Variants in CGGBP1 observed in about 807,000 individuals in gnomAD.
CGGBP1 encodes the protein CGG triplet repeat binding protein 1, also known as CGG triplet repeat-binding protein 1.
In CGGBP1, 4 loss-of-function variants were observed where a neutral mutation model predicts 11.4. That is an observed-to-expected ratio of 0.35 (90% CI 0.17 to 0.80). The LOEUF is 0.80. Ranked by LOEUF, CGGBP1 falls within the 30% of genes least tolerant of loss-of-function variation. CGGBP1 has a pLI of 0.52. For synonymous variants in CGGBP1, 76 were observed against 74.1 expected (o/e 1.03, Z -0.13); for missense variants, 135 against 202.1 (o/e 0.67, Z 2.01).
chr3:88,052,016 G>C lies in CGGBP1; in HGVS notation c.*3457C>G, dbSNP rs189720196. On this transcript the variant is annotated 3_prime_UTR_variant, in exon 4 of 4. Coordinates refer to ENST00000482016, the MANE Select transcript of CGGBP1 (RefSeq NM_001008390.2). ...ACAAAATGTGCTTTCAAAATCTTTT[G>C]AAACAATTTTTCTGAAATTTATTTC... 1 of 152,414 alleles carries C rather than the reference G, an allele frequency of 6.6e-6. No individual in the cohort carries two copies. Among genetic ancestry groups the C allele is most frequent in the African/African-American group, 2.4e-5 (1 of 41,374 alleles). The allele number at this position is 152,414 out of a possible 1,614,324, so 9.4% of individuals were successfully genotyped here. A position where few individuals can be genotyped will look rare whatever the true frequency, so the allele number is the denominator to read the frequency against.
intron 2 of CGGBP1, among the ~76,000 whole-genome samples, chr3:88,127,154 G>C (rs1271568088): frequency 6.6e-6 from 1 of 152,114 alleles, no homozygotes; most frequent in Non-Finnish European, 1.5e-5. Context: ...TTAGTTATGA[G>C]ACAGCCAAGG....
At chr3:88,097,068 C>T (rs549416769) in intron 2 of CGGBP1, among the ~76,000 whole-genome samples, 3 of 152,164 alleles carry the variant, frequency 2.0e-5, no homozygotes, top group African/African-American at 7.2e-5. Flanking sequence ...TTAACCAGCC[C>T]CTTACTAATG....
chr3:88,126,235 T>C (rs756887505), intron 2 of CGGBP1: 25 of 1,528,824 alleles, frequency 1.6e-5, no homozygotes, highest in Non-Finnish European at 2.2e-5. Context: ...TGTTGCAAGC[T>C]GTCCTTAAAG....
chr3:88,106,481 A>G (rs1299363553), intron 2 of CGGBP1, among the ~76,000 whole-genome samples: 1 of 151,728 alleles, frequency 6.6e-6, no homozygotes, highest in Non-Finnish European at 1.5e-5. Flanking sequence ...GAGATTACAC[A>G]TGTGTGCAGC....
chr3:88,090,348 A>C (rs1708565466), intron 2 of CGGBP1, among the ~76,000 whole-genome samples: 2 of 152,290 alleles, frequency 1.3e-5, no homozygotes, highest in South Asian at 4.1e-4. Context: ...GCTGATCAGT[A>C]TGTGACTTAG....
chr3:88,144,938 A>G (rs1707282007), intron 1 of CGGBP1, among the ~76,000 whole-genome samples: 1 of 152,008 alleles, frequency 6.6e-6, no homozygotes, highest in South Asian at 2.1e-4. Flanking sequence ...ACTTCAGGTA[A>G]GTGGGTTCAG....
chr3:88,105,135 T>C (rs1436443668), intron 2 of CGGBP1, among the ~76,000 whole-genome samples: 1 of 152,198 alleles, frequency 6.6e-6, no homozygotes, highest in Non-Finnish European at 1.5e-5. Flanking sequence ...CAAGACTCCA[T>C]CTCAGAAAAC....
At chr3:88,116,376 A>G (rs904393228) in intron 2 of CGGBP1, among the ~76,000 whole-genome samples, 1 of 151,832 alleles carries the variant, frequency 6.6e-6, no homozygotes, top group African/African-American at 2.4e-5. Context: ...CAAAATTAGC[A>G]GGTCGTGGCG....
At chr3:88,086,182 A>G in intron 2 of CGGBP1, 1 of 1,373,176 alleles carries the variant, frequency 7.3e-7, no homozygotes, top group East Asian at 2.5e-5. Context: ...TTATCCAGTA[A>G]CTTTTATGCA....
chr3:88,099,317 C>T (rs529715727), intron 2 of CGGBP1, among the ~76,000 whole-genome samples: 2 of 151,594 alleles, frequency 1.3e-5, no homozygotes, highest in African/African-American at 4.8e-5. Flanking sequence ...AATCACTGCT[C>T]AACAAAAGAG....
chr3:88,059,346 G>A (rs1275813834), upstream of CGGBP1: 1 of 1,534,822 alleles, frequency 6.5e-7, no homozygotes, highest in Non-Finnish European at 8.7e-7. Flanking sequence ...GCGACCAAGA[G>A]GCCGAACGCC....
chr3:88,097,155 A>G (rs1397062541), intron 2 of CGGBP1, among the ~76,000 whole-genome samples: 1 of 152,154 alleles, frequency 6.6e-6, no homozygotes, highest in East Asian at 1.9e-4. Context: ...AATATGTACA[A>G]GGGTATTTGT....
At chr3:88,069,148 G>A (rs200288106) in intron 2 of CGGBP1, among the ~76,000 whole-genome samples, 1 of 9,068 alleles carries the variant, frequency 1.1e-4, no homozygotes, top group Non-Finnish European at 6.6e-4. Context: ...CAGGCCAGGC[G>A]CCGTGGCTTA....
At chr3:88,099,698 A>C (rs1481809962) in intron 2 of CGGBP1, among the ~76,000 whole-genome samples, 1 of 152,192 alleles carries the variant, frequency 6.6e-6, no homozygotes, top group Admixed American at 6.5e-5. Flanking sequence ...GATTTTGACA[A>C]TCCTGACAAA....
chr3:88,120,916 C>G (rs1410812160), intron 2 of CGGBP1, among the ~76,000 whole-genome samples: 2 of 151,994 alleles, frequency 1.3e-5, no homozygotes, highest in African/African-American at 2.4e-5. Flanking sequence ...GATGTTTGGT[C>G]ATAAGTTGAA....
chr3:88,103,111 GATAATGGCCTTAT>G (rs1430347477), intron 2 of CGGBP1, among the ~76,000 whole-genome samples: 1 of 152,012 alleles, frequency 6.6e-6, no homozygotes, highest in Non-Finnish European at 1.5e-5. Context: ...ATTCACTTAG[GATAATGGCCTTAT>G]ATAATGAAGC....
At position 88,055,643 on chromosome 3, in the gene CGGBP1, G is replaced by C. The variant is rs1706524780; in HGVS notation, c.334C>G (p.Leu112Val). The C allele has an allele frequency of 1.2e-6, 2 of 1,614,080 alleles. No homozygotes were observed. Among genetic ancestry groups the C allele is most frequent in the Non-Finnish European group, 1.7e-6 (2 of 1,180,036 alleles). Residue 112 changes from leucine (L) to valine (V), a missense_variant, in exon 4 of 4, where the codon CTG becomes GTG. Physicochemically the swap from Leu to Val is conservative, Grantham distance 32 (BLOSUM62 1). Coordinates refer to ENST00000482016, the MANE Select transcript of CGGBP1 (RefSeq NM_001008390.2). This position sits in a 1 kb window ranked among gnomAD's most constrained non-coding sequence, Gnocchi z 4.2. ...TTCTCAAGTGGGATGTTGGCTTCCA[G>C]GCACATTTTCACAAAGTCCTGGATA... ...SVIQDFVKMC[L>V]EANIPLEKAD...
intron 2 of CGGBP1, among the ~76,000 whole-genome samples, chr3:88,109,321 T>C (rs1704948003): frequency 6.6e-6 from 1 of 152,128 alleles, no homozygotes; most frequent in Non-Finnish European, 1.5e-5. Context: ...TAGGACTGAA[T>C]AGAAATTTCT....
At chr3:88,077,676 A>T (rs939402180) in intron 2 of CGGBP1, among the ~76,000 whole-genome samples, 11 of 106,392 alleles carry the variant, frequency 1.0e-4, no homozygotes, top group Non-Finnish European at 2.1e-4. Flanking sequence ...AAGATAAATG[A>T]AACATGCTGT....
Sources: gnomAD v4.1 joint callset for allele counts (sites outside exome capture counted in the v4.1 genomes callset) on GRCh38, gnomAD v4.1.1 for gene constraint, Gnocchi (gnomAD v3.1) non-coding constraint, MANE v1.5 for transcripts, NCBI Gene and HGNC (gene_info 2026-07-23, HGNC 2026-07-21) for gene names.